Variants in PAK5 observed in about 807,000 individuals in gnomAD.
PAK5 encodes serine/threonine-protein kinase PAK 5.
Under a neutral mutation model 65.9 loss-of-function variants are expected in PAK5, and 16 were observed. The ratio of observed to expected loss-of-function variants is 0.24; its 90% CI spans 0.16 to 0.37. The LOEUF (loss-of-function observed/expected upper bound fraction) is 0.37, where lower values mean the gene tolerates loss of function less well. Ranked by LOEUF, PAK5 falls within the 10% of genes least tolerant of loss-of-function variation. The pLI is 1.00. For missense variants in PAK5, 785 were observed against 903.9 expected (o/e 0.87, Z 1.69); for synonymous variants, 371 against 354.9 (o/e 1.05, Z -0.51).
chr20:9,757,937 A>G (rs934186087), intron 1 of PAK5, among the ~76,000 whole-genome samples: 1 of 152,168 alleles, frequency 6.6e-6, no homozygotes, highest in Non-Finnish European at 1.5e-5. Flanking sequence ...CAGTGACAAG[A>G]ACAATCAAAT....
At chr20:9,674,923 T>C (rs533989410) in intron 2 of PAK5, among the ~76,000 whole-genome samples, 1 of 152,280 alleles carries the variant, frequency 6.6e-6, no homozygotes, top group South Asian at 2.1e-4. Context: ...CTGAGAGTAA[T>C]GCCTCAGAGA....
chr20:9,574,154 G>A (rs1008915013), intron 4 of PAK5, among the ~76,000 whole-genome samples: 9 of 152,166 alleles, frequency 5.9e-5, no homozygotes, highest in Admixed American at 2.0e-4. Flanking sequence ...ACAGGATAGA[G>A]ACTGGCAATT....
At position 9,548,262 on chromosome 20, in the gene PAK5, GT is replaced by G. The variant is rs796783495; in HGVS notation, c.1744-3769del. 5.2e-4 allele frequency among the ~76,000 whole-genome samples: 79 copies of G among 152,024 alleles called. 1 individual carries two copies. The highest frequency in any genetic ancestry group is 1.9e-3 in the African/African-American group (78 of 41,480). On this transcript the variant is annotated intron_variant, in intron 7 of 9. Transcript: ENST00000353224. ...TCTTATGGTCCATTCCCAACTCTGA[GT>G]TTTTTTGATGATTTTTCTTGCATAT... is the stretch of plus-strand genomic sequence containing the variant.
chr20:9,662,411 C>T (rs1182239084), intron 2 of PAK5, among the ~76,000 whole-genome samples: 1 of 152,112 alleles, frequency 6.6e-6, no homozygotes, highest in Non-Finnish European at 1.5e-5. Context: ...TGGAACTCAC[C>T]CTAGAAATTA....
At chr20:9,611,216 C>A (rs2046553353) in intron 3 of PAK5, among the ~76,000 whole-genome samples, 1 of 152,164 alleles carries the variant, frequency 6.6e-6, no homozygotes, top group Admixed American at 6.5e-5. Flanking sequence ...GAGTAATATG[C>A]CACTCTGGAA....
chr20:9,669,998 A>G (rs1265699578), intron 2 of PAK5, among the ~76,000 whole-genome samples: 1 of 150,442 alleles, frequency 6.6e-6, no homozygotes, highest in Non-Finnish European at 1.5e-5. Context: ...ATCAATTCCC[A>G]CCTATGAGTG....
chr20:9,835,176 T>A (rs1449865530), intron 1 of PAK5, among the ~76,000 whole-genome samples: 4 of 152,188 alleles, frequency 2.6e-5, no homozygotes, highest in African/African-American at 9.7e-5. Flanking sequence ...CCTTCACTCA[T>A]TCACCAAAAG....
intron 1 of PAK5, among the ~76,000 whole-genome samples, chr20:9,760,183 T>C (rs1036260951): frequency 6.6e-6 from 1 of 152,196 alleles, no homozygotes; most frequent in Non-Finnish European, 1.5e-5. Flanking sequence ...TACTACTTTG[T>C]TTTGTGGGGG....
intron 1 of PAK5, among the ~76,000 whole-genome samples, chr20:9,768,654 G>A (rs764956773): frequency 7.2e-5 from 11 of 151,766 alleles, no homozygotes; most frequent in African/African-American, 9.7e-5. Flanking sequence ...ATGGTGGCGC[G>A]CGGCTGTAGT....
intron 1 of PAK5, among the ~76,000 whole-genome samples, chr20:9,786,343 C>G (rs1479790289): frequency 6.6e-6 from 1 of 152,060 alleles, no homozygotes; most frequent in East Asian, 1.9e-4. Context: ...AAGTGCTCAA[C>G]AAACATTTAC....
chr20:9,691,983 A>G (rs1366298655), intron 2 of PAK5, among the ~76,000 whole-genome samples: 1 of 152,164 alleles, frequency 6.6e-6, no homozygotes, highest in Admixed American at 6.6e-5. Flanking sequence ...TGCAAAGCCT[A>G]CCTTATTATG....
intron 1 of PAK5, among the ~76,000 whole-genome samples, chr20:9,750,293 A>G (rs1425322656): frequency 6.6e-6 from 1 of 152,158 alleles, no homozygotes; most frequent in Non-Finnish European, 1.5e-5. Context: ...TTAAGATAAA[A>G]GTGACATCAT....
chr20:9,697,639 C>T (rs2047886883), intron 2 of PAK5, among the ~76,000 whole-genome samples: 1 of 152,018 alleles, frequency 6.6e-6, no homozygotes, highest in African/African-American at 2.4e-5. Context: ...TTTCTCTTAC[C>T]ATATAGACTT....
chr20:9,539,583 A>C lies in PAK5; in HGVS notation c.2039T>G (p.Met680Arg). Residue 680 changes from methionine (M) to arginine (R), a missense_variant, in exon 10 of 10, where the codon ATG becomes AGG. Transcript: ENST00000353224. Reference sequence around the variant, plus strand: ...TCTCTGAGAGGGCTCCCTCACCAACATCAAGTCTAGGAATCCCCGGAGCAC... The same window carrying C: ...TCTCTGAGAGGGCTCCCTCACCAACCTCAAGTCTAGGAATCCCCGGAGCAC... ...SSVLRGFLDL[M>R]LVREPSQRAT... 2 of 1,613,664 alleles carry C rather than the reference A, an allele frequency of 1.2e-6. No individual in the cohort carries two copies. The highest frequency in any genetic ancestry group is 1.7e-6 in the Non-Finnish European group (2 of 1,179,968).
chr20:9,582,638 C>T (rs1002390389), intron 3 of PAK5, among the ~76,000 whole-genome samples: 9 of 152,024 alleles, frequency 5.9e-5, no homozygotes, highest in Middle Eastern at 3.2e-3. Context: ...GTAAGTGTAG[C>T]GTCTACTCAA....
intron 2 of PAK5, among the ~76,000 whole-genome samples, chr20:9,655,988 C>T (rs1427489557): frequency 6.6e-6 from 1 of 152,074 alleles, no homozygotes; most frequent in Non-Finnish European, 1.5e-5. Flanking sequence ...TCTTTAAAGT[C>T]CCTACCTCCC....
chr20:9,624,362 G>A (rs2046813073), intron 3 of PAK5, among the ~76,000 whole-genome samples: 1 of 151,988 alleles, frequency 6.6e-6, no homozygotes, highest in African/African-American at 2.4e-5. Flanking sequence ...CCCATGACGG[G>A]TATTCAATAA....
chr20:9,668,524 A>T (rs891849090), intron 2 of PAK5, among the ~76,000 whole-genome samples: 8 of 152,198 alleles, frequency 5.3e-5, no homozygotes, highest in Non-Finnish European at 1.2e-4. Context: ...TCTTATAATG[A>T]AGGAAAATAG....
intron 3 of PAK5, among the ~76,000 whole-genome samples, chr20:9,602,556 G>T (rs1053554510): frequency 8.5e-5 from 13 of 152,130 alleles, no homozygotes; most frequent in Non-Finnish European, 1.6e-4. Flanking sequence ...CAGTTTCTGA[G>T]AATCTAAAAG....
Sources: gnomAD v4.1 joint callset for allele counts (sites outside exome capture counted in the v4.1 genomes callset) on GRCh38, gnomAD v4.1.1 for gene constraint, MANE v1.5 for transcripts, NCBI Gene and HGNC (gene_info 2026-07-23, HGNC 2026-07-21) for gene names.